DDX39B: variants seen among roughly 807,000 people sequenced by gnomAD.
DDX39B encodes spliceosome RNA helicase DDX39B.
DDX39B carries 6 observed loss-of-function variants against 46.4 expected under a neutral mutation model. That is an observed-to-expected ratio of 0.13 (90% CI 0.07 to 0.26). DDX39B has a LOEUF of 0.26. Among genes scored for constraint, DDX39B ranks in the 10% least tolerant of loss-of-function variants. The pLI, the probability that DDX39B is intolerant of heterozygous loss-of-function variation, is 1.00. For synonymous variants in DDX39B, 174 were observed against 199.4 expected (o/e 0.87, Z 1.07); for missense variants, 185 against 553.4 (o/e 0.33, Z 6.68).
At position 31,531,716 on chromosome 6, in the gene DDX39B, A is replaced by AG. The variant is rs1452050951; in HGVS notation, c.868-312dup. ...ATAAAAAACTAGAATTAAGATCTGG[A>AG]GGGGTAACTGATATTCCTGCTCACC... On this transcript the variant is annotated intron_variant, in intron 7 of 10. Transcript: ENST00000396172. This position sits in a 1 kb window ranked among gnomAD's most constrained non-coding sequence, Gnocchi z 5.8. The AG allele has an allele frequency of 3.4e-5, 13 of 383,280 alleles. No homozygotes were observed. The highest frequency in any genetic ancestry group is 2.7e-4 in the African/African-American group (13 of 48,752). 23.7% of individuals were successfully genotyped at this position (383,280 alleles called of 1,614,324 possible). A position where few individuals can be genotyped will look rare whatever the true frequency, so the allele number is the denominator to read the frequency against.
chr6:31,531,814 A>G lies in DDX39B; in HGVS notation c.868-409T>C, dbSNP rs1157333542. ...AAATGCAAATAGACCACTCACAAGT[A>G]TATTAATTAAACACTTTTTTGAGAT... On this transcript the variant is annotated intron_variant, in intron 7 of 10. Coordinates refer to ENST00000396172, the MANE Select transcript of DDX39B (RefSeq NM_004640.7). This position sits in a 1 kb window ranked among gnomAD's most constrained non-coding sequence, Gnocchi z 5.8. 9 of 182,578 alleles carry G rather than the reference A, an allele frequency of 4.9e-5. No homozygotes were observed. The South Asian group carries it at 7.1e-4, about 14-fold the overall frequency. The allele number at this position is 182,578 out of a possible 1,614,324, so 11.3% of individuals were successfully genotyped here.
chr6:31,534,519 A>G lies in DDX39B; in HGVS notation c.735+848T>C, dbSNP rs1562411161. ...TGTCCCTCTCCTCTGAGTATTAAAA[A>G]AAACAAAAAAATTTTTTTAAGAAAA... On this transcript the variant is annotated intron_variant, in intron 6 of 10. Transcript: ENST00000396172. The surrounding 1 kb of genome is among the most constrained non-coding windows in gnomAD (Gnocchi z 5.1). 2.1e-6 allele frequency: 1 copy of G among 470,196 alleles called. No homozygotes were observed. Among genetic ancestry groups the G allele is most frequent in the Admixed American group, 2.4e-5 (1 of 42,352 alleles). 29.1% of individuals were successfully genotyped at this position (470,196 alleles called of 1,614,324 possible). A position where few individuals can be genotyped will look rare whatever the true frequency, so the allele number is the denominator to read the frequency against.
chr6:31,531,503 G>T lies in DDX39B; in HGVS notation c.868-98C>A. On this transcript the variant is annotated intron_variant, in intron 7 of 10. Coordinates refer to ENST00000396172, the MANE Select transcript of DDX39B (RefSeq NM_004640.7). The surrounding 1 kb of genome is among the most constrained non-coding windows in gnomAD (Gnocchi z 5.8). Reference sequence around the variant, plus strand: ...GGAGAGGGGAGTTTCTAGTAATTACGTTCTCAGGAATTCCTCTTCATTTCT... The same window carrying T: ...GGAGAGGGGAGTTTCTAGTAATTACTTTCTCAGGAATTCCTCTTCATTTCT... The T allele has an allele frequency of 1.0e-6, 1 of 967,870 alleles. No homozygotes were observed. The highest frequency in any genetic ancestry group is 1.6e-6 in the Non-Finnish European group (1 of 623,872). 60.0% of individuals were successfully genotyped at this position (967,870 alleles called of 1,614,324 possible).
At position 31,531,334 on chromosome 6, in the gene DDX39B, T is replaced by C; in HGVS notation, c.939A>G (p.Pro313=). The C allele has an allele frequency of 6.2e-7, 1 of 1,614,104 alleles. No homozygotes were observed. Among genetic ancestry groups the C allele is most frequent in the Non-Finnish European group, 8.5e-7 (1 of 1,180,006 alleles). ...LAQLLVEQNF[P]AIAIHRGMPQ... ...GCATCCCACGGTGGATGGCAATGGC[T>C]GGGAAGTTCTGCTCCACTAGTAGCT... is the stretch of plus-strand genomic sequence containing the variant. The change falls in exon 8 of 11, where the codon CCA becomes CCG. Residue 313 remains proline, a synonymous_variant. Transcript: ENST00000396172. The surrounding 1 kb of genome is among the most constrained non-coding windows in gnomAD (Gnocchi z 5.8).
chr6:31,536,735 T>TC (rs1473583478), intron 4 of DDX39B, 52 bp from the exon 5 acceptor site: 5 of 1,595,110 alleles, frequency 3.1e-6, no homozygotes, highest in Non-Finnish European at 3.4e-6. Context: ...AAGAGTCCAA[T>TC]CCCCCCAGGG....
intron 4 of DDX39B, 53 bp downstream of exon 4, chr6:31,538,710 T>C: frequency 1.3e-6 from 2 of 1,511,754 alleles, no homozygotes; most frequent in Non-Finnish European, 1.8e-6. Flanking sequence ...ACAAGTTTCT[T>C]ATCCCTCCAA....
chr6:31,541,687 TGAG>T (rs1156925798), intron 1 of DDX39B: 1 of 520,094 alleles, frequency 1.9e-6, no homozygotes, highest in Non-Finnish European at 3.9e-6. Flanking sequence ...GCCTCCAATA[TGAG>T]AAGAACCCAT....
In DDX39B at chr6:31,533,018, G is replaced by C. The variant is rs1467897342; in HGVS notation, c.736-107C>G. The C allele has an allele frequency of 4.8e-6, 3 of 630,680 alleles. No individual in the cohort carries two copies. The African/African-American group carries it at 5.4e-5, about 11-fold the overall frequency. The allele number at this position is 630,680 out of a possible 1,614,324, so 39.1% of individuals were successfully genotyped here. A position where few individuals can be genotyped will look rare whatever the true frequency, so the allele number is the denominator to read the frequency against. On this transcript the variant is annotated intron_variant, in intron 6 of 10. Transcript: ENST00000396172. ...CCAATACACCCCATGGGGGGATGGGGAGGAAAGAGAAGATTGAAAACCCCA... is the reference window on the plus strand; with the variant it reads ...CCAATACACCCCATGGGGGGATGGGCAGGAAAGAGAAGATTGAAAACCCCA...
intron 4 of DDX39B, among the ~76,000 whole-genome samples, chr6:31,538,552 A>T (rs758763620): frequency 4.6e-5 from 7 of 152,166 alleles, no homozygotes; most frequent in African/African-American, 9.7e-5. Flanking sequence ...TATGATTCAA[A>T]GTCAGTATAA....
At chr6:31,538,082 C>A (rs1728566385) in intron 4 of DDX39B, among the ~76,000 whole-genome samples, 1 of 152,016 alleles carries the variant, frequency 6.6e-6, no homozygotes, top group Admixed American at 6.6e-5. Flanking sequence ...ATAAGTCGAC[C>A]AGATTTGTGG....
rs2071595 is a variant in DDX39B at position 31,539,285 on chromosome 6, G to T, written c.212-11C>A. 5.0e-6 allele frequency: 8 copies of T among 1,607,250 alleles called. No homozygotes were observed. The highest frequency in any genetic ancestry group is 6.8e-6 in the Non-Finnish European group (8 of 1,175,308). On this transcript the variant is annotated splice_polypyrimidine_tract_variant and intron_variant, in intron 2 of 10. Coordinates refer to ENST00000396172, the MANE Select transcript of DDX39B (RefSeq NM_004640.7). ...TGCACTCATGCTGGACTAAAAGTTG[G>T]GGGGGGAGGAAGATAAATTAGACTT... is the stretch of plus-strand genomic sequence containing the variant.
chr6:31,530,982 C>T lies in DDX39B; in HGVS notation c.1123-56G>A, dbSNP rs543125945. 100 of 1,613,390 alleles carry T rather than the reference C, an allele frequency of 6.2e-5. No individual in the cohort carries two copies. The African/African-American group carries it at 1.3e-3, about 21-fold the overall frequency. Reference sequence around the variant, plus strand: ...ACCGAAGAGGAAAGAGACCCAGAGGCAGGAATGAAGATGTACAAACAGAAA... The same window carrying T: ...ACCGAAGAGGAAAGAGACCCAGAGGTAGGAATGAAGATGTACAAACAGAAA... On this transcript the variant is annotated intron_variant, in intron 9 of 10. Coordinates refer to ENST00000396172, the MANE Select transcript of DDX39B (RefSeq NM_004640.7). The surrounding 1 kb of genome is among the most constrained non-coding windows in gnomAD (Gnocchi z 4.5).
rs771801681 is a variant in DDX39B, at chr6:31,540,310, G to A, written c.211+12C>T. The A allele has an allele frequency of 1.9e-6, 3 of 1,613,960 alleles. No individual in the cohort carries two copies. Among genetic ancestry groups the A allele is most frequent in the Non-Finnish European group, 2.5e-6 (3 of 1,179,850 alleles). On this transcript the variant is annotated intron_variant, in intron 2 of 10. Transcript: ENST00000396172. ...AGCCCAATGAGCACTACATGCCCAA[G>A]AGAAAATTTACCTTCTGACGGATGC...
At chr6:31,537,933 G>C (rs929611751) in intron 4 of DDX39B, among the ~76,000 whole-genome samples, 2 of 152,162 alleles carry the variant, frequency 1.3e-5, no homozygotes, top group South Asian at 4.1e-4. Context: ...TACTCGGGGG[G>C]TTGAGGCGGG....
At position 31,535,106 on chromosome 6, in the gene DDX39B, T is replaced by C. The variant is rs1200151812; in HGVS notation, c.735+261A>G. 8.1e-6 allele frequency: 4 copies of C among 495,862 alleles called. No individual in the cohort carries two copies. The highest frequency in any genetic ancestry group is 1.4e-5 in the Non-Finnish European group (4 of 289,816). 30.7% of individuals were successfully genotyped at this position (495,862 alleles called of 1,614,324 possible). A position where few individuals can be genotyped will look rare whatever the true frequency, so the allele number is the denominator to read the frequency against. On this transcript the variant is annotated intron_variant, in intron 6 of 10. Transcript: ENST00000396172. This position sits in a 1 kb window ranked among gnomAD's most constrained non-coding sequence, Gnocchi z 4.6. ...CCCAAAGGGAGAAGAGGTTCAAAAA[T>C]GTTGTGATTTATGAAAAAGTCGAAC...
chr6:31,541,182 C>G (rs781185242), intron 1 of DDX39B: 1 of 533,696 alleles, frequency 1.9e-6, no homozygotes, highest in Non-Finnish European at 3.8e-6. Flanking sequence ...ATATGGCCGC[C>G]GTCCACCTCC....
At position 31,538,981 on chromosome 6, in the gene DDX39B, A is replaced by G. The variant is rs575699700; in HGVS notation, c.340-126T>C. ...TGACTTCAATTATGTGATCTAAATC[A>G]TGAACCCCACGCTTGCGACAGAACA... is the stretch of plus-strand genomic sequence containing the variant. On this transcript the variant is annotated intron_variant, in intron 3 of 10. Coordinates refer to ENST00000396172, the MANE Select transcript of DDX39B (RefSeq NM_004640.7). 106 of 1,489,416 alleles carry G rather than the reference A, an allele frequency of 7.1e-5. 2 individuals carry two copies. In the South Asian group the frequency reaches 1.2e-3, roughly 17 times the overall value. The allele number at this position is 1,489,416 out of a possible 1,614,324, so 92.3% of individuals were successfully genotyped here.
chr6:31,531,662 T>C lies in DDX39B; in HGVS notation c.868-257A>G. 2.0e-6 allele frequency: 1 copy of C among 511,460 alleles called. No individual in the cohort carries two copies. Among genetic ancestry groups the C allele is most frequent in the Non-Finnish European group, 3.5e-6 (1 of 289,546 alleles). The allele number at this position is 511,460 out of a possible 1,614,324, so 31.7% of individuals were successfully genotyped here. A position where few individuals can be genotyped will look rare whatever the true frequency, so the allele number is the denominator to read the frequency against. ...CAAAATTGCCAGACATGCTAGGAGA[T>C]GAGGATGAGATCACCTCATGAAAAA... On this transcript the variant is annotated intron_variant, in intron 7 of 10. Transcript: ENST00000396172. The surrounding 1 kb of genome is among the most constrained non-coding windows in gnomAD (Gnocchi z 5.8).
Position 31,534,771 on chromosome 6 carries a change from C to T in DDX39B, c.735+596G>A. The stretch of plus-strand genomic sequence containing the variant: ...GTGCTTCTCTGTTGCCGGCTCACAT[C>T]AACCGAGGTTCCAGATGGGTGCAAG... On this transcript the variant is annotated intron_variant, in intron 6 of 10. Coordinates refer to ENST00000396172, the MANE Select transcript of DDX39B (RefSeq NM_004640.7). This position sits in a 1 kb window ranked among gnomAD's most constrained non-coding sequence, Gnocchi z 5.1. The T allele has an allele frequency of 2.9e-6, 1 of 339,604 alleles. No individual in the cohort carries two copies. 21.0% of individuals were successfully genotyped at this position (339,604 alleles called of 1,614,324 possible). A position where few individuals can be genotyped will look rare whatever the true frequency, so the allele number is the denominator to read the frequency against.
Sources: allele counts gnomAD v4.1 joint callset (sites outside exome capture counted in the v4.1 genomes callset), GRCh38; gene constraint gnomAD v4.1.1; non-coding constraint Gnocchi (gnomAD v3.1); transcripts MANE v1.5; gene names NCBI Gene and HGNC (gene_info 2026-07-23, HGNC 2026-07-21).